Variants in NCDN observed in about 807,000 individuals in gnomAD.
NCDN encodes the protein neurochondrin.
Under a neutral mutation model 60.7 loss-of-function variants are expected in NCDN, and 9 were observed. The observed-to-expected ratio is 0.15, with a 90% CI of 0.09 to 0.26. NCDN has a LOEUF of 0.26. Among genes scored for constraint, NCDN ranks in the 10% least tolerant of loss-of-function variants. The pLI is 1.00. For synonymous variants in NCDN, 409 were observed against 442.5 expected (o/e 0.92, Z 0.95); for missense variants, 578 against 975.2 (o/e 0.59, Z 5.42).
chr1:35,560,252 C>G lies in NCDN; in HGVS notation c.175-74C>G. ...AACCTCATCTTGCTAGTCCTCAGTG[C>G]CCCAGGATGCAGGAGAGGGACAGTC... On this transcript the variant is annotated intron_variant, in intron 2 of 6. Transcript: ENST00000373243. This position sits in a 1 kb window ranked among gnomAD's most constrained non-coding sequence, Gnocchi z 7.6. 6.5e-7 allele frequency: 1 copy of G among 1,533,892 alleles called. No homozygotes were observed. Among genetic ancestry groups the G allele is most frequent in the Non-Finnish European group, 8.8e-7 (1 of 1,135,864 alleles).
chr1:35,566,546 T>A lies in NCDN; in HGVS notation c.*883T>A, dbSNP rs1462189693. The A allele has an allele frequency of 9.4e-6, 3 of 318,048 alleles. No individual in the cohort carries two copies. The Admixed American group carries it at 1.2e-4, about 13-fold the overall frequency. 19.7% of individuals were successfully genotyped at this position (318,048 alleles called of 1,614,324 possible). A position where few individuals can be genotyped will look rare whatever the true frequency, so the allele number is the denominator to read the frequency against. Reference sequence around the variant, plus strand: ...TGCCACCGTGGTGCCTGGCTTTAACTCCCACCCCTGCTATGACTCCTCTCT... The same window carrying A: ...TGCCACCGTGGTGCCTGGCTTTAACACCCACCCCTGCTATGACTCCTCTCT... On this transcript the variant is annotated 3_prime_UTR_variant, in exon 7 of 7. Coordinates refer to ENST00000373243, the MANE Select transcript of NCDN (RefSeq NM_014284.3). The surrounding 1 kb of genome is among the most constrained non-coding windows in gnomAD (Gnocchi z 5.3).
intron 2 of NCDN, 25 bp downstream of exon 2, chr1:35,559,272 A>T (rs1298898883): frequency 6.2e-7 from 1 of 1,613,620 alleles, no homozygotes; most frequent in Admixed American, 1.7e-5. Flanking sequence ...GAAAATTGGG[A>T]GGTGGGAAGG....
chr1:35,564,049 C>G (rs1251624442), intron 6 of NCDN, 140 bp downstream of exon 6: 1 of 1,026,472 alleles, frequency 9.7e-7, no homozygotes, highest in Non-Finnish European at 1.4e-6. Context: ...CAGTGTATCT[C>G]CATCCCCTAC....
In NCDN at chr1:35,558,632, G is replaced by C; in HGVS notation, c.33+409G>C. ...AAGAAGGGAGGGGAAAGGAAGCCTG[G>C]GGTGTCCTTTTCTCCCATGTCAGCC... On this transcript the variant is annotated intron_variant, in intron 1 of 6. Coordinates refer to ENST00000373243, the MANE Select transcript of NCDN (RefSeq NM_014284.3). The surrounding 1 kb of genome is among the most constrained non-coding windows in gnomAD (Gnocchi z 6.3). 1 of 1,157,722 alleles carries C rather than the reference G, an allele frequency of 8.6e-7. No individual in the cohort carries two copies. Among genetic ancestry groups the C allele is most frequent in the Non-Finnish European group, 1.1e-6 (1 of 935,486 alleles). The allele number at this position is 1,157,722 out of a possible 1,614,324, so 71.7% of individuals were successfully genotyped here.
chr1:35,566,661 AC>A lies in NCDN; in HGVS notation c.*999del. 1 of 411,598 alleles carries A rather than the reference AC, an allele frequency of 2.4e-6. No individual in the cohort carries two copies. Among genetic ancestry groups the A allele is most frequent in the Non-Finnish European group, 4.9e-6 (1 of 204,254 alleles). 25.5% of individuals were successfully genotyped at this position (411,598 alleles called of 1,614,324 possible). On this transcript the variant is annotated 3_prime_UTR_variant, in exon 7 of 7. Coordinates refer to ENST00000373243, the MANE Select transcript of NCDN (RefSeq NM_014284.3). The surrounding 1 kb of genome is among the most constrained non-coding windows in gnomAD (Gnocchi z 5.3). ...CACACACACACACACACACACACAC[AC>A]ACACACACACACACACACTCTTGAT...
rs145793961 is a variant in NCDN at position 35,565,339 on chromosome 1, G to A, written c.1866G>A (p.Leu622=). The change falls in exon 7 of 7, where the codon CTG becomes CTA. Residue 622 remains leucine, a synonymous_variant. Transcript: ENST00000373243. The surrounding 1 kb of genome is among the most constrained non-coding windows in gnomAD (Gnocchi z 8.9). ...GCTCAGACCAGGCAGTGCTAGCCCT[G>A]TCCCCTGAGTATGAGGGCATCTGGG... is the stretch of plus-strand genomic sequence containing the variant. ...TPGSDQAVLA[L]SPEYEGIWAD... is the part of the protein sequence containing the mutation. 8 of 1,613,948 alleles carry A rather than the reference G, an allele frequency of 5.0e-6. No homozygotes were observed. The African/African-American group carries it at 8.0e-5, about 16-fold the overall frequency.
At position 35,560,420 on chromosome 1, in the gene NCDN, C is replaced by G. The variant is rs936402414; in HGVS notation, c.269C>G (p.Thr90Ser). The G allele has an allele frequency of 6.2e-6, 10 of 1,614,022 alleles. No individual in the cohort carries two copies. The highest frequency in any genetic ancestry group is 7.6e-6 in the Non-Finnish European group (9 of 1,180,036). The change falls in exon 3 of 7, where the codon ACC (threonine) becomes AGC (serine). Residue 90 changes from threonine (T) to serine (S), a missense_variant. Around this residue, in one of 3 missense-constraint regions of NCDN, gnomAD observed 363 missense variants for 583.6 expected, o/e 0.62. Coordinates refer to ENST00000373243, the MANE Select transcript of NCDN (RefSeq NM_014284.3). This position sits in a 1 kb window ranked among gnomAD's most constrained non-coding sequence, Gnocchi z 7.6. ...VGFTFPNRLL[T>S]TKEAPDGCPD... ...TTCACCTTCCCCAATCGTCTCCTGA[C>G]CACCAAGGAGGCGCCGGATGGCTGC... is the stretch of plus-strand genomic sequence containing the variant.
chr1:35,559,926 G>T (rs2148537124), intron 2 of NCDN, among the ~76,000 whole-genome samples: 1 of 152,276 alleles, frequency 6.6e-6, no homozygotes, highest in South Asian at 2.1e-4. Context: ...CCCTGAGAAG[G>T]TGGCAGAAAT....
chr1:35,563,967 T>G lies in NCDN; in HGVS notation c.1753+58T>G. On this transcript the variant is annotated intron_variant, in intron 6 of 6. Coordinates refer to ENST00000373243, the MANE Select transcript of NCDN (RefSeq NM_014284.3). This position sits in a 1 kb window ranked among gnomAD's most constrained non-coding sequence, Gnocchi z 6.6. ...GGACAGAAGACCTGGGTGGACCTCC[T>G]GTGTTTGGGGCAAAAGTCACCATTT... 1 of 1,540,918 alleles carries G rather than the reference T, an allele frequency of 6.5e-7. No homozygotes were observed. The highest frequency in any genetic ancestry group is 8.7e-7 in the Non-Finnish European group (1 of 1,147,244).
chr1:35,565,949 T>G lies in NCDN; in HGVS notation c.*286T>G. Reference sequence around the variant, plus strand: ...GAGCAGCCCCCAGGGAGGGGGGCACTAGGTGTCATTGTGCCCGATGTCTGG... The same window carrying G: ...GAGCAGCCCCCAGGGAGGGGGGCACGAGGTGTCATTGTGCCCGATGTCTGG... On this transcript the variant is annotated 3_prime_UTR_variant, in exon 7 of 7. Transcript: ENST00000373243. The surrounding 1 kb of genome is among the most constrained non-coding windows in gnomAD (Gnocchi z 8.9). The G allele has an allele frequency of 5.0e-6, 2 of 400,330 alleles. No individual in the cohort carries two copies. Among genetic ancestry groups the G allele is most frequent in the South Asian group, 2.9e-5 (1 of 34,808 alleles). 24.8% of individuals were successfully genotyped at this position (400,330 alleles called of 1,614,324 possible).
Position 35,565,603 on chromosome 1 carries a change from C to T in NCDN, c.2130C>T (p.Gly710=), listed in dbSNP as rs895586917. 2.6e-5 allele frequency: 41 copies of T among 1,557,028 alleles called. No homozygotes were observed. Among genetic ancestry groups the T allele is most frequent in the African/African-American group, 1.5e-4 (11 of 73,826 alleles). ...GGGAGGCCATGAGGCTGCAGGCGGG[C>T]GAGGAGACGGCCAGCCACTACCGCA... ...LCREAMRLQA[G]EETASHYRMA... The change falls in exon 7 of 7, where the codon GGC becomes GGT. Residue 710 remains glycine, a synonymous_variant. Transcript: ENST00000373243. The surrounding 1 kb of genome is among the most constrained non-coding windows in gnomAD (Gnocchi z 8.9).
chr1:35,558,248 C>T lies in NCDN; in HGVS notation c.33+25C>T, dbSNP rs1648455755. On this transcript the variant is annotated intron_variant, in intron 1 of 6. Coordinates refer to ENST00000373243, the MANE Select transcript of NCDN (RefSeq NM_014284.3). The surrounding 1 kb of genome is among the most constrained non-coding windows in gnomAD (Gnocchi z 6.3). The stretch of plus-strand genomic sequence containing the variant: ...GGTGGTGACCGCCAGGAACCCTCCT[C>T]CCCTTCTCATCTCCCCATCTCAGCA... 1 of 1,613,862 alleles carries T rather than the reference C, an allele frequency of 6.2e-7. No individual in the cohort carries two copies.
In NCDN at chr1:35,566,528, G is replaced by A. The variant is rs747142608; in HGVS notation, c.*865G>A. ...CCAGTGATTACACTCCACTGCCACC[G>A]TGGTGCCTGGCTTTAACTCCCACCC... On this transcript the variant is annotated 3_prime_UTR_variant, in exon 7 of 7. Coordinates refer to ENST00000373243, the MANE Select transcript of NCDN (RefSeq NM_014284.3). The surrounding 1 kb of genome is among the most constrained non-coding windows in gnomAD (Gnocchi z 5.3). 1.9e-5 allele frequency: 6 copies of A among 314,838 alleles called. No individual in the cohort carries two copies. The highest frequency in any genetic ancestry group is 3.8e-5 in the Non-Finnish European group (6 of 157,316). 19.5% of individuals were successfully genotyped at this position (314,838 alleles called of 1,614,324 possible).
chr1:35,563,270 G>A lies in NCDN; in HGVS notation c.1454G>A (p.Gly485Glu). 1 of 1,614,214 alleles carries A rather than the reference G, an allele frequency of 6.2e-7. No individual in the cohort carries two copies. The highest frequency in any genetic ancestry group is 8.5e-7 in the Non-Finnish European group (1 of 1,180,032). ...CCCCGGGAGATCCTGATCAAGGAAG[G>A]GGCCCCCTCGCTTCTGTGCAAGTAT... ...DGPREILIKE[G>E]APSLLCKYFL... Residue 485 changes from glycine (G) to glutamate (E), a missense_variant, in exon 5 of 7, where the codon GGG becomes GAG. Gly to Glu is a moderately conservative substitution (Grantham distance 98). Transcript: ENST00000373243. This position sits in a 1 kb window ranked among gnomAD's most constrained non-coding sequence, Gnocchi z 6.6.
In NCDN at chr1:35,558,179, G is replaced by C; in HGVS notation, c.-12G>C. ...AGTGTGATCTCATCGCCGCCCTGTCGTGACTTCATCAATGTCGTGTTGTGA... is the reference window on the plus strand; with the variant it reads ...AGTGTGATCTCATCGCCGCCCTGTCCTGACTTCATCAATGTCGTGTTGTGA... On this transcript the variant is annotated 5_prime_UTR_variant, in exon 1 of 7. Coordinates refer to ENST00000373243, the MANE Select transcript of NCDN (RefSeq NM_014284.3). This position sits in a 1 kb window ranked among gnomAD's most constrained non-coding sequence, Gnocchi z 6.3. The C allele has an allele frequency of 6.2e-7, 1 of 1,613,858 alleles. No individual in the cohort carries two copies. The highest frequency in any genetic ancestry group is 8.5e-7 in the Non-Finnish European group (1 of 1,179,988).
rs1429313796 is a variant in NCDN, at chr1:35,563,452, A to G, written c.1610+26A>G. ...GTGAGGGGCTCGGGAGAGGTGGGGG[A>G]GGAGGCCGGAGGAGGCAAAGGAGGC... On this transcript the variant is annotated intron_variant, in intron 5 of 6. Transcript: ENST00000373243. This position sits in a 1 kb window ranked among gnomAD's most constrained non-coding sequence, Gnocchi z 6.6. 4 of 1,600,806 alleles carry G rather than the reference A, an allele frequency of 2.5e-6. No individual in the cohort carries two copies. The highest frequency in any genetic ancestry group is 3.4e-6 in the Non-Finnish European group (4 of 1,169,766).
rs963552226 is a variant in NCDN at position 35,562,124 on chromosome 1, G to A, written c.1144-268G>A. ...ATGTGACTGGAGCCTCAGCGAGTAC[G>A]GGGGCATGTCACTCAATTCACTCAG... On this transcript the variant is annotated intron_variant, in intron 3 of 6. Coordinates refer to ENST00000373243, the MANE Select transcript of NCDN (RefSeq NM_014284.3). The surrounding 1 kb of genome is among the most constrained non-coding windows in gnomAD (Gnocchi z 6.8). 1.2e-4 allele frequency among the ~76,000 whole-genome samples: 18 copies of A among 152,122 alleles called. No homozygotes were observed. The highest frequency in any genetic ancestry group is 2.1e-4 in the South Asian group (1 of 4,828).
intron 2 of NCDN, 41 bp downstream of exon 2, chr1:35,559,288 G>T (rs772367068): frequency 6.2e-7 from 1 of 1,612,884 alleles, no homozygotes; most frequent in Non-Finnish European, 8.5e-7. Flanking sequence ...GAAGGGCTGG[G>T]TGGTTGGGCC....
In NCDN at chr1:35,562,668, A is replaced by G. The variant is rs1195398218; in HGVS notation, c.1385+35A>G. ...TAGTTACAGTCTGTCCAGCTAGATC[A>G]TTCTACCGAAAAGCGTTAACACAAG... On this transcript the variant is annotated intron_variant, in intron 4 of 6. Transcript: ENST00000373243. This position sits in a 1 kb window ranked among gnomAD's most constrained non-coding sequence, Gnocchi z 6.8. 2 of 1,587,920 alleles carry G rather than the reference A, an allele frequency of 1.3e-6. No individual in the cohort carries two copies. Among genetic ancestry groups the G allele is most frequent in the African/African-American group, 1.3e-5 (1 of 74,334 alleles).
Sources: allele counts gnomAD v4.1 joint callset (sites outside exome capture counted in the v4.1 genomes callset), GRCh38; gene constraint gnomAD v4.1.1; regional missense constraint gnomAD v4.1.1; non-coding constraint Gnocchi (gnomAD v3.1); transcripts MANE v1.5; gene names NCBI Gene and HGNC (gene_info 2026-07-23, HGNC 2026-07-21).